TRIM69: variants seen among roughly 807,000 people sequenced by gnomAD.
TRIM69 encodes the protein E3 ubiquitin-protein ligase TRIM69.
A neutral mutation model predicts 37.7 loss-of-function variants in TRIM69; 29 were observed. The observed-to-expected ratio is 0.77, with a 90% CI of 0.57 to 1.05. TRIM69 has a LOEUF of 1.05. Ranked by LOEUF, TRIM69 falls within the 50% of genes least tolerant of loss-of-function variation. The pLI is 0.00. For synonymous variants in TRIM69, 209 were observed against 212.4 expected (o/e 0.98, Z 0.14); for missense variants, 596 against 579.9 (o/e 1.03, Z -0.28).
chr15:44,738,901 C>G (rs1434415143), intron 1 of TRIM69, among the ~76,000 whole-genome samples: 1 of 152,118 alleles, frequency 6.6e-6, no homozygotes, highest in Admixed American at 6.5e-5. Flanking sequence ...TAATTAATCC[C>G]TTGTTTTACA....
At chr15:44,760,188 G>A (rs2087746980) in intron 6 of TRIM69, among the ~76,000 whole-genome samples, 1 of 152,208 alleles carries the variant, frequency 6.6e-6, no homozygotes, top group Non-Finnish European at 1.5e-5. Context: ...AATCCCAGGG[G>A]CTTCTCTGAA....
At position 44,758,774 on chromosome 15, in the gene TRIM69, G is replaced by C; in HGVS notation, c.733G>C (p.Glu245Gln). The C allele has an allele frequency of 6.2e-7, 1 of 1,614,150 alleles. No individual in the cohort carries two copies. Among genetic ancestry groups the C allele is most frequent in the Non-Finnish European group, 8.5e-7 (1 of 1,180,014 alleles). ...GGAGTTGAATCTGAGCCAGCTTCAG[G>C]AGCAATGTCTCTTAGCCAAGGATAT... ...EMELNLSQLQ[E>Q]QCLLAKDMLV... The change falls in exon 4 of 7, where the codon GAG becomes CAG. Residue 245 changes from glutamate (E) to glutamine (Q), a missense_variant. Glu to Gln is a conservative substitution (Grantham distance 29). Transcript: ENST00000329464.
rs768802917 is a variant in TRIM69, at chr15:44,767,714, C to G, written c.1445C>G (p.Pro482Arg). ...GAGAAACTTTATCCCTACTTCTGCC[C>G]CTGCCTTAATGATGGTGGAGAGAAT... is the stretch of plus-strand genomic sequence containing the variant. ...FMEKLYPYFC[P>R]CLNDGGENKE... Residue 482 changes from proline (P) to arginine (R), a missense_variant, in exon 7 of 7, where the codon CCC (proline) becomes CGC (arginine). Pro to Arg is a moderately radical substitution (Grantham distance 103). Transcript: ENST00000329464. 5 of 1,613,986 alleles carry G rather than the reference C, an allele frequency of 3.1e-6. No homozygotes were observed. The South Asian group carries it at 3.3e-5, about 11-fold the overall frequency.
At chr15:44,737,694 G>A (rs923488675) in intron 1 of TRIM69, among the ~76,000 whole-genome samples, 3 of 152,126 alleles carry the variant, frequency 2.0e-5, no homozygotes, top group African/African-American at 4.8e-5. Context: ...GGCTTGACTC[G>A]TGAAGCAGGA....
At position 44,758,873 on chromosome 15, in the gene TRIM69, A is replaced by G. The variant is rs763620546; in HGVS notation, c.813+19A>G. The G allele has an allele frequency of 9.4e-6, 15 of 1,601,816 alleles. No individual in the cohort carries two copies. Among genetic ancestry groups the G allele is most frequent in the East Asian group, 2.3e-5 (1 of 44,436 alleles). ...TCTCAAAGTGAGAATCCACACCAAT[A>G]TGATTATGGGTACCTTCCTACCTAG... is the stretch of plus-strand genomic sequence containing the variant. On this transcript the variant is annotated intron_variant, in intron 4 of 6. Coordinates refer to ENST00000329464, the MANE Select transcript of TRIM69 (RefSeq NM_182985.5).
intron 2 of TRIM69, among the ~76,000 whole-genome samples, chr15:44,755,993 A>C (rs1310998264): frequency 6.6e-6 from 1 of 152,224 alleles, no homozygotes; most frequent in East Asian, 1.9e-4. Context: ...TCCCTTCTTC[A>C]AATCCCTGTA....
chr15:44,757,628 C>A (rs1266617510), intron 3 of TRIM69: 1 of 152,166 alleles, frequency 6.6e-6, no homozygotes, highest in Non-Finnish European at 1.5e-5. Context: ...GATATGGGCT[C>A]ACTGTAACCT....
At chr15:44,744,091 T>A (rs1171190562) in intron 1 of TRIM69, among the ~76,000 whole-genome samples, 1 of 151,422 alleles carries the variant, frequency 6.6e-6, no homozygotes, top group Non-Finnish European at 1.5e-5. Context: ...ATTACGAAAA[T>A]GTGGCACATA....
At chr15:44,739,089 C>A (rs1401725007) in intron 1 of TRIM69, among the ~76,000 whole-genome samples, 2 of 152,180 alleles carry the variant, frequency 1.3e-5, no homozygotes, top group African/African-American at 4.8e-5. Flanking sequence ...AGCATATTCA[C>A]AAAGTTGTAC....
chr15:44,736,721 C>T lies in TRIM69; in HGVS notation c.6+11C>T, dbSNP rs2468068. The T allele has an allele frequency of 2.1e-5, 31 of 1,472,686 alleles. No individual in the cohort carries two copies. The highest frequency in any genetic ancestry group is 1.1e-4 in the Admixed American group (6 of 55,752). 91.2% of individuals were successfully genotyped at this position (1,472,686 alleles called of 1,614,324 possible). ...TGAAGCTTCATGGAGGTGAGTGACC[C>T]TTTTTTTTTTTAACTTAGCAGGGCT... On this transcript the variant is annotated intron_variant, in intron 1 of 6. Transcript: ENST00000329464.
At chr15:44,739,014 T>C (rs2141304556) in intron 1 of TRIM69, among the ~76,000 whole-genome samples, 1 of 152,340 alleles carries the variant, frequency 6.6e-6, no homozygotes, top group East Asian at 1.9e-4. Flanking sequence ...CAATAATTAA[T>C]AACATTAAAT....
chr15:44,752,834 C>T (rs568687293), intron 1 of TRIM69: 7 of 152,092 alleles, frequency 4.6e-5, no homozygotes, highest in African/African-American at 1.2e-4. Flanking sequence ...AACTTTATAA[C>T]GATCTAGGGT....
At chr15:44,738,050 C>CTTTTTTTTTTTTTTTTTTTT (rs772041054) in intron 1 of TRIM69, among the ~76,000 whole-genome samples, 6 of 118,018 alleles carry the variant, frequency 5.1e-5, no homozygotes, top group African/African-American at 2.0e-4. Flanking sequence ...TACTTTCTTT[C>CTTTTTTTTTTTTTTTTTTTT]TTTCTTTTTT....
At chr15:44,748,083 G>T (rs1473914713) in intron 1 of TRIM69, among the ~76,000 whole-genome samples, 2 of 152,216 alleles carry the variant, frequency 1.3e-5, no homozygotes, top group Non-Finnish European at 2.9e-5. Flanking sequence ...TTGAGTGTCA[G>T]AGCAAGTTCG....
chr15:44,745,638 A>C (rs746440790), intron 1 of TRIM69, among the ~76,000 whole-genome samples: 23 of 152,296 alleles, frequency 1.5e-4, no homozygotes, highest in South Asian at 6.2e-4. Flanking sequence ...TAAAGGAAAC[A>C]ATTTGCAAAT....
chr15:44,760,390 G>A (rs1252693311), intron 6 of TRIM69, among the ~76,000 whole-genome samples: 1 of 151,982 alleles, frequency 6.6e-6, no homozygotes, highest in African/African-American at 2.4e-5. Context: ...AGATACCAAA[G>A]GACTGAGCAA....
rs867320911 is a variant in TRIM69, at chr15:44,756,409, G to A, written c.525G>A (p.Leu175=). 6.4e-7 allele frequency: 1 copy of A among 1,551,100 alleles called. No individual in the cohort carries two copies. Among genetic ancestry groups the A allele is most frequent in the South Asian group, 1.2e-5 (1 of 84,014 alleles). ...AIQQGQLETT[L]KELQTLRNMQ... ...AACAGGGTCAACTGGAGACAACTCTGAAGGAGCTTCAGACCCTGAGGAACA... is the reference window on the plus strand; with the variant it reads ...AACAGGGTCAACTGGAGACAACTCTAAAGGAGCTTCAGACCCTGAGGAACA... Residue 175 remains leucine (L), a synonymous_variant, in exon 3 of 7, where the codon CTG becomes CTA. Coordinates refer to ENST00000329464, the MANE Select transcript of TRIM69 (RefSeq NM_182985.5).
At chr15:44,748,379 T>C (rs915569649) in intron 1 of TRIM69, among the ~76,000 whole-genome samples, 1 of 152,176 alleles carries the variant, frequency 6.6e-6, no homozygotes, top group African/African-American at 2.4e-5. Flanking sequence ...AAAGCTGCCA[T>C]CACTGAATGT....
Position 44,767,723 on chromosome 15 carries a change from A to G in TRIM69, c.1454A>G (p.Asn485Ser). The G allele has an allele frequency of 7.4e-6, 12 of 1,613,940 alleles. No individual in the cohort carries two copies. Among genetic ancestry groups the G allele is most frequent in the Non-Finnish European group, 1.0e-5 (12 of 1,180,030 alleles). Residue 485 changes from asparagine (N) to serine (S), a missense_variant, in exon 7 of 7, where the codon AAT becomes AGT. Coordinates refer to ENST00000329464, the MANE Select transcript of TRIM69 (RefSeq NM_182985.5). ...KLYPYFCPCL[N>S]DGGENKEPLH... The stretch of plus-strand genomic sequence containing the variant: ...TATCCCTACTTCTGCCCCTGCCTTA[A>G]TGATGGTGGAGAGAATAAAGAACCA...
Sources: gnomAD v4.1 joint callset for allele counts (sites outside exome capture counted in the v4.1 genomes callset) on GRCh38, gnomAD v4.1.1 for gene constraint, MANE v1.5 for transcripts, NCBI Gene and HGNC (gene_info 2026-07-23, HGNC 2026-07-21) for gene names.